AASDH: variants seen among roughly 807,000 people sequenced by gnomAD.
AASDH encodes beta-alanine-activating enzyme.
In AASDH, 81 loss-of-function variants were observed where a neutral mutation model predicts 102.3. The observed-to-expected ratio is 0.79, with a 90% CI of 0.66 to 0.95. The LOEUF (loss-of-function observed/expected upper bound fraction) is 0.95, where lower values mean the gene tolerates loss of function less well. AASDH is among the 40% of genes least tolerant of loss of function. The pLI is 0.00. For synonymous variants in AASDH, 398 were observed against 454.0 expected (o/e 0.88, Z 1.57); for missense variants, 1,203 against 1,266.2 (o/e 0.95, Z 0.76).
At chr4:56,367,972 G>A (rs906007132) in intron 5 of AASDH, among the ~76,000 whole-genome samples, 94 of 152,144 alleles carry the variant, frequency 6.2e-4, no homozygotes, top group Middle Eastern at 6.8e-3. Flanking sequence ...CTACTCATCT[G>A]ACAAAGGGCT....
At chr4:56,372,065 C>T (rs1309306086) in intron 4 of AASDH, among the ~76,000 whole-genome samples, 1 of 152,224 alleles carries the variant, frequency 6.6e-6, no homozygotes, top group Non-Finnish European at 1.5e-5. Context: ...CCTGTAGTCC[C>T]TAATCAGCTG....
intron 5 of AASDH, 71 bp downstream of exon 5, chr4:56,371,380 C>T (rs1751684012): frequency 2.1e-6 from 3 of 1,453,344 alleles, no homozygotes; most frequent in Non-Finnish European, 2.8e-6. Context: ...TACAGGAATA[C>T]AAAATATTCT....
At chr4:56,345,604 C>T (rs538796518) in intron 11 of AASDH, among the ~76,000 whole-genome samples, 1 of 152,292 alleles carries the variant, frequency 6.6e-6, no homozygotes, top group African/African-American at 2.4e-5. Flanking sequence ...TTTGACACAT[C>T]TGGATTCAGA....
At position 56,338,322 on chromosome 4, in the gene AASDH, A is replaced by AAAAT. The variant is rs1268814721; in HGVS notation, c.*76_*79dup. 4 of 1,450,994 alleles carry AAAAT rather than the reference A, an allele frequency of 2.8e-6. No individual in the cohort carries two copies. In the East Asian group the frequency reaches 9.2e-5, roughly 33 times the overall value. The allele number at this position is 1,450,994 out of a possible 1,614,324, so 89.9% of individuals were successfully genotyped here. ...GCCAAAATATAATCTTCTTTAATAT[A>AAAAT]AAATAAGTCCACATGATGTATAATG... On this transcript the variant is annotated 3_prime_UTR_variant, in exon 15 of 15. Coordinates refer to ENST00000205214, the MANE Select transcript of AASDH (RefSeq NM_181806.4).
intron 4 of AASDH, among the ~76,000 whole-genome samples, chr4:56,376,512 A>G (rs1752354145): frequency 6.6e-6 from 1 of 152,188 alleles, no homozygotes. Flanking sequence ...TAAAGACTAT[A>G]TTGTCGATTA....
chr4:56,349,969 C>T lies in AASDH; in HGVS notation c.1782G>A (p.Arg594=). ...CAAGTTTTTCAATCTCACTGAGGAG[C>T]CGGATGGACTTTAAGGAATCTCCAC... ...NSGGDSLKSI[R]LLSEIEKLVG... The change falls in exon 11 of 15, where the codon CGG becomes CGA. Residue 594 remains arginine, a synonymous_variant. Transcript: ENST00000205214. The T allele has an allele frequency of 6.2e-7, 1 of 1,613,438 alleles. No homozygotes were observed. The highest frequency in any genetic ancestry group is 8.5e-7 in the Non-Finnish European group (1 of 1,180,004).
intron 2 of AASDH, among the ~76,000 whole-genome samples, chr4:56,383,777 T>C (rs56129706): frequency 0.084 from 12,844 of 152,240 alleles, 714 homozygotes; most frequent in East Asian, 0.25. Context: ...CAAAGTGTTA[T>C]AAATTGTTAT....
At chr4:56,343,019 T>C (rs1747889208) in intron 13 of AASDH, 53 bp from the exon 14 acceptor site, 15 of 1,454,964 alleles carry the variant, frequency 1.0e-5, no homozygotes, top group Middle Eastern at 1.9e-4. Context: ...ACTAATCAGT[T>C]ACCCTTTAAA....
chr4:56,382,415 G>C, intron 3 of AASDH, 62 bp downstream of exon 3: 1 of 1,427,350 alleles, frequency 7.0e-7, no homozygotes, highest in Non-Finnish European at 9.6e-7. Flanking sequence ...GGAGAAGGAA[G>C]GAATGTTTCA....
chr4:56,367,221 T>A (rs1053557451), intron 5 of AASDH, among the ~76,000 whole-genome samples: 1 of 151,696 alleles, frequency 6.6e-6, no homozygotes, highest in Non-Finnish European at 1.5e-5. Flanking sequence ...TAAAAGAGGA[T>A]ACAAACAAAT....
chr4:56,364,490 G>T lies in AASDH; in HGVS notation c.861+6961C>A, dbSNP rs570722163. On this transcript the variant is annotated intron_variant, in intron 5 of 14. Coordinates refer to ENST00000205214, the MANE Select transcript of AASDH (RefSeq NM_181806.4). ...AGAGAAAGGTCGGGTTACCCACAAAGGGAAGCCCATCAGACTAACAGCTGA... is the reference window on the plus strand; with the variant it reads ...AGAGAAAGGTCGGGTTACCCACAAATGGAAGCCCATCAGACTAACAGCTGA... 5.0e-3 allele frequency among the ~76,000 whole-genome samples: 757 copies of T among 152,314 alleles called. 4 individuals carry two copies. The highest frequency in any genetic ancestry group is 0.034 in the Middle Eastern group (10 of 294).
chr4:56,355,502 G>T, intron 5 of AASDH, 79 bp from the exon 6 acceptor site: 1 of 1,288,208 alleles, frequency 7.8e-7, no homozygotes, highest in Middle Eastern at 2.1e-4. Context: ...TTATTTCAAA[G>T]TTAACATTTG....
intron 2 of AASDH, among the ~76,000 whole-genome samples, chr4:56,383,277 T>C (rs1753182890): frequency 6.6e-6 from 1 of 152,142 alleles, no homozygotes; most frequent in Non-Finnish European, 1.5e-5. Flanking sequence ...AGTAAATTTT[T>C]GTTGTTGTTT....
chr4:56,350,839 AACC>A (rs1748913548), intron 10 of AASDH, among the ~76,000 whole-genome samples: 1 of 152,188 alleles, frequency 6.6e-6, no homozygotes, highest in Admixed American at 6.5e-5. Context: ...CTCTTTTCAG[AACC>A]CTTTAAAAAA....
At chr4:56,384,389 C>T (rs541506278) in intron 1 of AASDH, 48 bp from the exon 2 acceptor site, 6 of 1,052,896 alleles carry the variant, frequency 5.7e-6, no homozygotes, top group Admixed American at 2.1e-5. Flanking sequence ...TTAGAGAGCT[C>T]GGTGGAGGGA....
chr4:56,382,676 CTTTA>C (rs1237634066), intron 2 of AASDH, 79 bp from the exon 3 acceptor site: 9 of 1,481,994 alleles, frequency 6.1e-6, no homozygotes, highest in African/African-American at 1.5e-5. Flanking sequence ...TCTCTATGCA[CTTTA>C]TTTATTTTTT....
intron 4 of AASDH, among the ~76,000 whole-genome samples, chr4:56,375,390 C>G (rs1752224207): frequency 6.6e-6 from 1 of 152,140 alleles, no homozygotes; most frequent in Non-Finnish European, 1.5e-5. Flanking sequence ...TTTAACATTA[C>G]TGTTTTAATT....
intron 10 of AASDH, among the ~76,000 whole-genome samples, chr4:56,350,407 T>C (rs1233443641): frequency 1.3e-5 from 2 of 152,002 alleles, no homozygotes; most frequent in Admixed American, 6.6e-5. Flanking sequence ...TGAGCCAAGA[T>C]TGCGCCACTG....
At chr4:56,366,050 C>T (rs1750958439) in intron 5 of AASDH, among the ~76,000 whole-genome samples, 1 of 152,152 alleles carries the variant, frequency 6.6e-6, no homozygotes, top group African/African-American at 2.4e-5. Flanking sequence ...CACCACCGAT[C>T]CCACAGAAAT....
Sources: allele counts gnomAD v4.1 joint callset (sites outside exome capture counted in the v4.1 genomes callset), GRCh38; gene constraint gnomAD v4.1.1; transcripts MANE v1.5; gene names NCBI Gene and HGNC (gene_info 2026-07-23, HGNC 2026-07-21).